The following GJA3 variants were observed in gnomAD, a reference collection of about 807,000 sequenced individuals.
The protein encoded by GJA3 is gap junction alpha-3 protein.
For synonymous variants in GJA3, 297 were observed against 292.6 expected (o/e 1.02, Z -0.15); for missense variants, 571 against 620.3 (o/e 0.92, Z 0.84).
Position 20,142,388 on chromosome 13 carries a change from C to A in GJA3, c.901G>T (p.Ala301Ser), listed in dbSNP as rs750283270. ...PPPAADFKLLALTEARGKGQS... is the reference protein window; with the variant it reads ...PPPAADFKLLSLTEARGKGQS... ...CCCTTTCCGCGCGCCTCGGTCAGGG[C>A]TAGCAGTTTGAAGTCCGCGGCTGGT... Residue 301 changes from alanine to serine, a missense_variant, in exon 2 of 2, where the codon GCC becomes TCC. Coordinates refer to ENST00000241125, the MANE Select transcript of GJA3 (RefSeq NM_021954.4). The A allele has an allele frequency of 2.0e-6, 3 of 1,524,900 alleles. No homozygotes were observed. Among genetic ancestry groups the A allele is most frequent in the South Asian group, 2.5e-5 (2 of 79,320 alleles). The allele number at this position is 1,524,900 out of a possible 1,614,324, so 94.5% of individuals were successfully genotyped here.
chr13:20,142,248 G>C lies in GJA3; in HGVS notation c.1041C>G (p.Ser347=), dbSNP rs1241322124. 1 of 1,543,462 alleles carries C rather than the reference G, an allele frequency of 6.5e-7. No individual in the cohort carries two copies. Among genetic ancestry groups the C allele is most frequent in the Non-Finnish European group, 8.7e-7 (1 of 1,149,102 alleles). ...CGACGGGGCTGGGGGCTGCAGGCGT[G>C]GACGCTGCCGGGTAAGCCTTGAGCG... ...PPALKAYPAA[S]TPAAPSPVGS... The change falls in exon 2 of 2, where the codon TCC becomes TCG. Residue 347 remains serine, a synonymous_variant. Coordinates refer to ENST00000241125, the MANE Select transcript of GJA3 (RefSeq NM_021954.4).
chr13:20,158,912 CAAA>C (rs1159654355), intron 1 of GJA3, among the ~76,000 whole-genome samples: 52 of 54,954 alleles, frequency 9.5e-4, no homozygotes, highest in African/African-American at 3.3e-3. Flanking sequence ...GCAAAACTCT[CAAA>C]AAAAAAAAAA....
chr13:20,148,406 T>C (rs1315406723), intron 1 of GJA3, among the ~76,000 whole-genome samples: 1 of 152,100 alleles, frequency 6.6e-6, no homozygotes, highest in Non-Finnish European at 1.5e-5. Flanking sequence ...ACTACAGGTA[T>C]GCACCATCAT....
At chr13:20,161,117 A>T (rs372891412), upstream of GJA3, 1 of 150,158 alleles carries the variant, frequency 6.7e-6, no homozygotes, top group East Asian at 2.0e-4. Context: ...GCCTCCGAAC[A>T]GCCCCGCCCC....
At chr13:20,144,962 C>G (rs530393643) in intron 1 of GJA3, among the ~76,000 whole-genome samples, 1 of 152,340 alleles carries the variant, frequency 6.6e-6, no homozygotes, top group East Asian at 1.9e-4. Context: ...GGAAGGATCA[C>G]TTGAGGTCAG....
chr13:20,157,759 CT>C (rs570774329), intron 1 of GJA3, among the ~76,000 whole-genome samples: 1 of 151,602 alleles, frequency 6.6e-6, no homozygotes, highest in Non-Finnish European at 1.5e-5. Flanking sequence ...TAAGCTTTCA[CT>C]TTTTTTTTCC....
intron 1 of GJA3, among the ~76,000 whole-genome samples, chr13:20,147,771 G>T (rs1474845638): frequency 6.6e-6 from 1 of 151,934 alleles, no homozygotes; most frequent in African/African-American, 2.4e-5. Context: ...TTCCTTCATT[G>T]TGGTTTCTAC....
intron 1 of GJA3, among the ~76,000 whole-genome samples, chr13:20,156,658 T>C (rs9509067): frequency 0.09 from 13,712 of 152,242 alleles, 965 homozygotes; most frequent in African/African-American, 0.19. Flanking sequence ...ACAGCTGTGT[T>C]AATTTAAAAA....
At chr13:20,155,159 A>G (rs956915069) in intron 1 of GJA3, among the ~76,000 whole-genome samples, 4 of 152,174 alleles carry the variant, frequency 2.6e-5, no homozygotes, top group Non-Finnish European at 5.9e-5. Flanking sequence ...ACGCCTATCA[A>G]TGATTTTATT....
chr13:20,143,243 C>T lies in GJA3; in HGVS notation c.46G>A (p.Glu16Lys). The T allele has an allele frequency of 1.3e-6, 2 of 1,542,702 alleles. No individual in the cohort carries two copies. Among genetic ancestry groups the T allele is most frequent in the Non-Finnish European group, 1.7e-6 (2 of 1,144,334 alleles). Reference sequence around the variant, plus strand: ...ACCTTGCCGATGACCGTGGAGTGCTCCTGTGCATTTTCTAAGAGTCTTCCC... The same window carrying T: ...ACCTTGCCGATGACCGTGGAGTGCTTCTGTGCATTTTCTAAGAGTCTTCCC... ...FLGRLLENAQ[E>K]HSTVIGKVWL... Residue 16 changes from glutamate (E) to lysine (K), a missense_variant, in exon 2 of 2, where the codon GAG becomes AAG. Transcript: ENST00000241125.
rs559106218 is a variant in GJA3, at chr13:20,149,844, A to G, written c.-17-6539T>C. Among the ~76,000 whole-genome samples, 14 of 152,370 alleles carry G rather than the reference A, an allele frequency of 9.2e-5. No individual in the cohort carries two copies. The South Asian group carries it at 2.7e-3, about 29-fold the overall frequency. ...ATACTCTGCACATAGCAGACGTTCAATAAACACTTGCAGGACAGATGAATG... is the reference window on the plus strand; with the variant it reads ...ATACTCTGCACATAGCAGACGTTCAGTAAACACTTGCAGGACAGATGAATG... On this transcript the variant is annotated intron_variant, in intron 1 of 1. Transcript: ENST00000241125.
At chr13:20,158,663 G>C (rs985955406) in intron 1 of GJA3, among the ~76,000 whole-genome samples, 5 of 151,912 alleles carry the variant, frequency 3.3e-5, no homozygotes, top group African/African-American at 4.8e-5. Context: ...TGTAATTCCA[G>C]CACTTTGGGA....
Position 20,140,984 on chromosome 13 carries a change from CTCATTA to C in GJA3, c.*991_*996del, listed in dbSNP as rs1197639226. 6.6e-6 allele frequency: 1 copy of C among 152,134 alleles called. No homozygotes were observed. Among genetic ancestry groups the C allele is most frequent in the Non-Finnish European group, 1.5e-5 (1 of 68,044 alleles). The allele number at this position is 152,134 out of a possible 1,614,324, so 9.4% of individuals were successfully genotyped here. Reference sequence around the variant, plus strand: ...CTGCTTTTGTTTTATATAATACATTCTCATTATAATTAGGTGACTCATGAAATTAAA... The same window carrying C: ...CTGCTTTTGTTTTATATAATACATTCTAATTAGGTGACTCATGAAATTAAA... On this transcript the variant is annotated 3_prime_UTR_variant, in exon 2 of 2. Transcript: ENST00000241125.
chr13:20,149,041 A>G (rs74035929), intron 1 of GJA3, among the ~76,000 whole-genome samples: 6,167 of 152,314 alleles, frequency 0.04, 265 homozygotes, highest in African/African-American at 0.11. Context: ...CGCTGCTTTC[A>G]TAGTCTTTGA....
At chr13:20,159,974 G>A (rs975122171) in intron 1 of GJA3, among the ~76,000 whole-genome samples, 1 of 152,208 alleles carries the variant, frequency 6.6e-6, no homozygotes, top group Admixed American at 6.5e-5. Flanking sequence ...CCTGGGTGAT[G>A]AGACCCATAA....
At chr13:20,152,704 T>C (rs1348839281) in intron 1 of GJA3, among the ~76,000 whole-genome samples, 1 of 152,220 alleles carries the variant, frequency 6.6e-6, no homozygotes, top group Non-Finnish European at 1.5e-5. Context: ...ACAACACTGT[T>C]ACTTGGTTTA....
At chr13:20,143,347 T>C (rs899807624) in intron 1 of GJA3, 42 bp from the exon 2 acceptor site, 6 of 1,407,462 alleles carry the variant, frequency 4.3e-6, no homozygotes, top group Admixed American at 2.5e-5. Flanking sequence ...CTGCAACGGC[T>C]GAGTGCCGGG....
intron 1 of GJA3, among the ~76,000 whole-genome samples, chr13:20,144,150 C>T (rs1028519353): frequency 2.0e-5 from 3 of 152,176 alleles, no homozygotes; most frequent in Non-Finnish European, 4.4e-5. Flanking sequence ...AAGGAATGAT[C>T]TTCTCACACA....
At chr13:20,148,410 C>A (rs981541828) in intron 1 of GJA3, among the ~76,000 whole-genome samples, 1 of 152,098 alleles carries the variant, frequency 6.6e-6, no homozygotes, top group Non-Finnish European at 1.5e-5. Flanking sequence ...CAGGTATGCA[C>A]CATCATGCAG....
Sources: gnomAD v4.1 joint callset for allele counts (sites outside exome capture counted in the v4.1 genomes callset) on GRCh38, gnomAD v4.1.1 for gene constraint, MANE v1.5 for transcripts, NCBI Gene and HGNC (gene_info 2026-07-23, HGNC 2026-07-21) for gene names.